NSUN7: variants seen among roughly 807,000 people sequenced by gnomAD.
The protein encoded by NSUN7 is protein NSUN7.
In NSUN7, 39 loss-of-function variants were observed where a neutral mutation model predicts 58.5. The ratio of observed to expected loss-of-function variants is 0.67; its 90% CI spans 0.52 to 0.87. The LOEUF (loss-of-function observed/expected upper bound fraction) is 0.87, where lower values mean the gene tolerates loss of function less well. Ranked by LOEUF, NSUN7 falls within the 40% of genes least tolerant of loss-of-function variation. The pLI, the probability that NSUN7 is intolerant of heterozygous loss-of-function variation, is 0.00. For synonymous variants in NSUN7, 278 were observed against 303.7 expected (o/e 0.92, Z 0.88); for missense variants, 765 against 844.1 (o/e 0.91, Z 1.16).
intron 7 of NSUN7, chr4:40,786,381 C>T: frequency 1.2e-6 from 2 of 1,611,944 alleles, no homozygotes; most frequent in South Asian, 1.1e-5. Context: ...AGTCATATAC[C>T]AGATGCACAG....
At chr4:40,785,024 A>G (rs1742743812) in intron 7 of NSUN7, among the ~76,000 whole-genome samples, 1 of 152,062 alleles carries the variant, frequency 6.6e-6, no homozygotes, top group African/African-American at 2.4e-5. Context: ...CAAAGGACTG[A>G]AATCATACAA....
chr4:40,780,424 A>G (rs1742475130), intron 7 of NSUN7, among the ~76,000 whole-genome samples: 1 of 151,950 alleles, frequency 6.6e-6, no homozygotes, highest in Non-Finnish European at 1.5e-5. Flanking sequence ...CCTGGGCAAC[A>G]TGGTGAAACC....
At chr4:40,755,011 CTAA>C (rs1741069433) in intron 2 of NSUN7, among the ~76,000 whole-genome samples, 1 of 152,146 alleles carries the variant, frequency 6.6e-6, no homozygotes, top group Admixed American at 6.6e-5. Context: ...CAATTTTCTG[CTAA>C]CGAAGGTAGA....
chr4:40,770,814 AG>A (rs1467874408), intron 4 of NSUN7, among the ~76,000 whole-genome samples: 1 of 152,216 alleles, frequency 6.6e-6, no homozygotes, highest in African/African-American at 2.4e-5. Flanking sequence ...GCACTTTGGG[AG>A]GCCAAGGTGG....
At position 40,775,010 on chromosome 4, in the gene NSUN7, T is replaced by G. The variant is rs549355240; in HGVS notation, c.825+60T>G. The G allele has an allele frequency of 1.7e-5, 12 of 725,884 alleles. No homozygotes were observed. The highest frequency in any genetic ancestry group is 6.2e-5 in the Admixed American group (2 of 32,430). The allele number at this position is 725,884 out of a possible 1,614,324, so 45.0% of individuals were successfully genotyped here. A position where few individuals can be genotyped will look rare whatever the true frequency, so the allele number is the denominator to read the frequency against. Reference sequence around the variant, plus strand: ...CAATCCAACCTAGCCAAAGAACTTCTCCACTTAAAAATAAAACCTAACACT... The same window carrying G: ...CAATCCAACCTAGCCAAAGAACTTCGCCACTTAAAAATAAAACCTAACACT... On this transcript the variant is annotated intron_variant, in intron 6 of 11. Coordinates refer to ENST00000381782, the MANE Select transcript of NSUN7 (RefSeq NM_024677.6). The surrounding 1 kb of genome is among the most constrained non-coding windows in gnomAD (Gnocchi z 4.3).
chr4:40,798,748 A>T, intron 9 of NSUN7, 39 bp from the exon 10 acceptor site: 1 of 1,131,082 alleles, frequency 8.8e-7, no homozygotes, highest in Non-Finnish European at 1.3e-6. Context: ...AGGATTGTTA[A>T]TATAGTTGTT....
At chr4:40,770,885 T>C (rs1277723830) in intron 4 of NSUN7, among the ~76,000 whole-genome samples, 1 of 152,114 alleles carries the variant, frequency 6.6e-6, no homozygotes, top group Non-Finnish European at 1.5e-5. Context: ...ACCCCATCTC[T>C]ACTAAAAATA....
chr4:40,769,581 T>G (rs1741899768), intron 4 of NSUN7, among the ~76,000 whole-genome samples: 2 of 152,334 alleles, frequency 1.3e-5, no homozygotes, highest in Middle Eastern at 6.8e-3. Flanking sequence ...TTTTTCTTCT[T>G]TATTGTATTA....
chr4:40,793,197 T>C (rs1189378922), intron 8 of NSUN7, among the ~76,000 whole-genome samples: 1 of 152,118 alleles, frequency 6.6e-6, no homozygotes, highest in Non-Finnish European at 1.5e-5. Context: ...ATCCCACCAC[T>C]TTGGGAGGCT....
intron 9 of NSUN7, among the ~76,000 whole-genome samples, chr4:40,796,093 C>T (rs370110918): frequency 3.9e-5 from 6 of 152,156 alleles, no homozygotes; most frequent in African/African-American, 7.2e-5. Flanking sequence ...GGGAGCCAGG[C>T]GTGGTGGCTC....
chr4:40,780,572 G>A (rs113215015), intron 7 of NSUN7, among the ~76,000 whole-genome samples: 3 of 150,604 alleles, frequency 2.0e-5, no homozygotes, highest in East Asian at 2.0e-4. Flanking sequence ...ATGCCACTGC[G>A]CTCTAACCTG....
chr4:40,779,151 C>T (rs1742407155), intron 7 of NSUN7, among the ~76,000 whole-genome samples: 1 of 151,644 alleles, frequency 6.6e-6, no homozygotes, highest in African/African-American at 2.4e-5. Flanking sequence ...GAGACACTGT[C>T]TCTACTAAAA....
At chr4:40,764,650 A>G (rs1305088542) in intron 4 of NSUN7, among the ~76,000 whole-genome samples, 2 of 152,174 alleles carry the variant, frequency 1.3e-5, no homozygotes, top group Non-Finnish European at 2.9e-5. Flanking sequence ...CTGAGGAATC[A>G]CCACACTGAC....
chr4:40,759,301 ACT>A (rs1468207390), intron 2 of NSUN7, among the ~76,000 whole-genome samples: 1 of 152,088 alleles, frequency 6.6e-6, no homozygotes, highest in Non-Finnish European at 1.5e-5. Flanking sequence ...ATAGAGCGAG[ACT>A]CTGTCTCATA....
rs759254895 is a variant in NSUN7, at chr4:40,809,056, T to C, written c.*117T>C. ...ATTCATTCTTTTGGTCACCTAGGGATCTTCTAAGTGTGATATTACTTTCAG... is the reference window on the plus strand; with the variant it reads ...ATTCATTCTTTTGGTCACCTAGGGACCTTCTAAGTGTGATATTACTTTCAG... On this transcript the variant is annotated 3_prime_UTR_variant, in exon 12 of 12. Coordinates refer to ENST00000381782, the MANE Select transcript of NSUN7 (RefSeq NM_024677.6). 27 of 1,067,120 alleles carry C rather than the reference T, an allele frequency of 2.5e-5. No homozygotes were observed. In the African/African-American group the frequency reaches 4.0e-4, roughly 16 times the overall value. The allele number at this position is 1,067,120 out of a possible 1,614,324, so 66.1% of individuals were successfully genotyped here.
At chr4:40,792,443 G>A (rs62302839) in intron 8 of NSUN7, among the ~76,000 whole-genome samples, 27,815 of 152,078 alleles carry the variant, frequency 0.18, 3,044 homozygotes, top group East Asian at 0.35. Flanking sequence ...GGAGATGATA[G>A]GATAAGCTAA....
chr4:40,775,740 G>A lies in NSUN7; in HGVS notation c.826-309G>A, dbSNP rs983330593. On this transcript the variant is annotated intron_variant, in intron 6 of 11. Transcript: ENST00000381782. This position sits in a 1 kb window ranked among gnomAD's most constrained non-coding sequence, Gnocchi z 4.3. ...AGTAGATGAGTGGGTTTTTGTGAAG[G>A]GGTAAGAATGGGAGTTAAGATAGGA... 6.6e-6 allele frequency among the ~76,000 whole-genome samples: 1 copy of A among 152,150 alleles called. No individual in the cohort carries two copies. The highest frequency in any genetic ancestry group is 2.4e-5 in the African/African-American group (1 of 41,450).
chr4:40,772,006 G>A (rs1019479047), intron 4 of NSUN7, among the ~76,000 whole-genome samples: 11 of 151,878 alleles, frequency 7.2e-5, no homozygotes, highest in African/African-American at 2.7e-4. Context: ...GTATAGGTCT[G>A]GTTATTTTAA....
chr4:40,780,599 C>A (rs751916217), intron 7 of NSUN7, among the ~76,000 whole-genome samples: 4 of 149,350 alleles, frequency 2.7e-5, no homozygotes, highest in Admixed American at 1.3e-4. Flanking sequence ...AGAGCAAGAC[C>A]CTGTCTCAAA....
Sources: allele counts gnomAD v4.1 joint callset (sites outside exome capture counted in the v4.1 genomes callset), GRCh38; gene constraint gnomAD v4.1.1; non-coding constraint Gnocchi (gnomAD v3.1); transcripts MANE v1.5; gene names NCBI Gene and HGNC (gene_info 2026-07-23, HGNC 2026-07-21).